The following C12orf43 variants were observed in gnomAD, a reference collection of about 807,000 sequenced individuals.
C12orf43 encodes the protein protein CUSTOS.
C12orf43 carries 15 observed loss-of-function variants against 20.6 expected under a neutral mutation model. That is an observed-to-expected ratio of 0.73 (90% CI 0.49 to 1.12). C12orf43 has a LOEUF of 1.12. Ranked by LOEUF, C12orf43 falls within the 50% of genes most tolerant of loss-of-function variation. C12orf43 has a pLI of 0.00. For synonymous variants in C12orf43, 144 were observed against 130.8 expected (o/e 1.10, Z -0.69); for missense variants, 334 against 344.4 (o/e 0.97, Z 0.24).
At position 121,010,818 on chromosome 12, in the gene C12orf43, C is replaced by T; in HGVS notation, c.287+10G>A. 4.4e-6 allele frequency: 7 copies of T among 1,588,948 alleles called. No individual in the cohort carries two copies. Among genetic ancestry groups the T allele is most frequent in the Non-Finnish European group, 6.0e-6 (7 of 1,166,300 alleles). ...AAGGGCAAGAGAGGAGAAACTCCACCTTTGTTTACCTGTCCAGCAGGGCTC... is the reference window on the plus strand; with the variant it reads ...AAGGGCAAGAGAGGAGAAACTCCACTTTTGTTTACCTGTCCAGCAGGGCTC... On this transcript the variant is annotated intron_variant, in intron 3 of 5. Coordinates refer to ENST00000288757, the MANE Select transcript of C12orf43 (RefSeq NM_022895.3).
In C12orf43 at chr12:121,005,032, G is replaced by A. The variant is rs1459722992; in HGVS notation, c.423C>T (p.Pro141=). 3 of 1,530,216 alleles carry A rather than the reference G, an allele frequency of 2.0e-6. No individual in the cohort carries two copies. In the East Asian group the frequency reaches 7.2e-5, roughly 37 times the overall value. The allele number at this position is 1,530,216 out of a possible 1,614,324, so 94.8% of individuals were successfully genotyped here. A position where few individuals can be genotyped will look rare whatever the true frequency, so the allele number is the denominator to read the frequency against. ...GGREKEESPQ[P]RRKRQPSSSS... ...AGCTGGAGGGCTGTCGCTTTCGGCG[G>A]GGTTGGGGAGACTCTTCCTTCTCAC... The change falls in exon 5 of 6, where the codon CCC becomes CCT. Residue 141 remains proline, a synonymous_variant. Coordinates refer to ENST00000288757, the MANE Select transcript of C12orf43 (RefSeq NM_022895.3). The surrounding 1 kb of genome is among the most constrained non-coding windows in gnomAD (Gnocchi z 5.6).
chr12:121,002,571 G>C lies in C12orf43; in HGVS notation c.*1582C>G. On this transcript the variant is annotated 3_prime_UTR_variant, in exon 6 of 6. Transcript: ENST00000288757. ...TTTGGGCAGGTAGCGGGAGGCTGGG[G>C]CAGGCCAGAGGCCTGCGAAGAGGAG... The C allele has an allele frequency of 2.1e-6, 1 of 472,212 alleles. No individual in the cohort carries two copies. The highest frequency in any genetic ancestry group is 1.6e-5 in the South Asian group (1 of 61,794). The allele number at this position is 472,212 out of a possible 1,614,324, so 29.3% of individuals were successfully genotyped here. A position where few individuals can be genotyped will look rare whatever the true frequency, so the allele number is the denominator to read the frequency against.
chr12:121,010,308 A>G (rs1478786011), intron 3 of C12orf43, among the ~76,000 whole-genome samples: 1 of 152,244 alleles, frequency 6.6e-6, no homozygotes, highest in Non-Finnish European at 1.5e-5. Flanking sequence ...CTCTGTCTCA[A>G]AAAACAAAAC....
Position 121,004,098 on chromosome 12 carries a change from G to GT in C12orf43, c.*54dup, listed in dbSNP as rs759232492. ...GGCTTGGAAATGCCTTGTCCCCAGG[G>GT]TGGGGGGGACACCTTGTCCTTGGAG... On this transcript the variant is annotated 3_prime_UTR_variant, in exon 6 of 6. Coordinates refer to ENST00000288757, the MANE Select transcript of C12orf43 (RefSeq NM_022895.3). This position sits in a 1 kb window ranked among gnomAD's most constrained non-coding sequence, Gnocchi z 5.6. 1.3e-6 allele frequency: 2 copies of GT among 1,563,886 alleles called. No individual in the cohort carries two copies. Among genetic ancestry groups the GT allele is most frequent in the African/African-American group, 2.7e-5 (2 of 74,024 alleles).
rs1005415437 is a variant in C12orf43 at position 121,016,365 on chromosome 12, T to TCCAAGCC, written c.103_109dup (p.Glu37GlyfsTer19). ...CTTCCCTGCCACGTGCGGGCGTTGC[T>TCCAAGCC]CCAAGCCCCAAGCCGGCATTGCCGC... On this transcript the variant is annotated frameshift_variant, in exon 1 of 6. Transcript: ENST00000288757. LOFTEE classifies it high-confidence loss of function. 6.2e-7 allele frequency: 1 copy of TCCAAGCC among 1,613,798 alleles called. No homozygotes were observed. The highest frequency in any genetic ancestry group is 8.5e-7 in the Non-Finnish European group (1 of 1,180,014).
intron 3 of C12orf43, among the ~76,000 whole-genome samples, chr12:121,007,639 A>C (rs1878123043): frequency 6.6e-6 from 1 of 152,204 alleles, no homozygotes; most frequent in Non-Finnish European, 1.5e-5. Context: ...TCTAACATAA[A>C]AATAAACCAC....
Position 121,012,849 on chromosome 12 carries a change from TAAAAA to T in C12orf43, c.146-1708_146-1704del, listed in dbSNP as rs10636003. On this transcript the variant is annotated intron_variant, in intron 1 of 5. Transcript: ENST00000288757. ...CCTGGTGACAGAGCAAGACTCCGTC[TAAAAA>T]AAAAAAAAAAAAAAAAAAAAGATGG... is the stretch of plus-strand genomic sequence containing the variant. Among the ~76,000 whole-genome samples the T allele has an allele frequency of 2.3e-3, 212 of 91,980 alleles. 3 individuals are homozygous for T. The highest frequency in any genetic ancestry group is 0.011 in the African/African-American group (205 of 19,418). The allele number at this position is 91,980 out of a possible 152,430, so 60.3% of individuals were successfully genotyped here. A position where few individuals can be genotyped will look rare whatever the true frequency, so the allele number is the denominator to read the frequency against.
At chr12:121,006,618 T>G (rs1878047550) in intron 3 of C12orf43, 1 of 519,242 alleles carries the variant, frequency 1.9e-6, no homozygotes. Flanking sequence ...TTCCAGTAAG[T>G]GTTGAAGAAG....
At chr12:121,016,070 C>G (rs987549718) in intron 1 of C12orf43, among the ~76,000 whole-genome samples, 3 of 152,146 alleles carry the variant, frequency 2.0e-5, no homozygotes, top group Non-Finnish European at 2.9e-5. Flanking sequence ...CGGCAGCCTT[C>G]CCAGTGTGGG....
intron 1 of C12orf43, among the ~76,000 whole-genome samples, chr12:121,014,746 A>G (rs1868744703): frequency 6.6e-6 from 1 of 151,936 alleles, no homozygotes; most frequent in South Asian, 2.1e-4. Context: ...TTGAAGGTTG[A>G]GAAGGGAGGA....
intron 1 of C12orf43, among the ~76,000 whole-genome samples, chr12:121,016,049 T>A (rs1256866223): frequency 6.6e-6 from 1 of 152,092 alleles, no homozygotes; most frequent in Non-Finnish European, 1.5e-5. Flanking sequence ...GTTGCAGTTA[T>A]CTCGAAGAGA....
At chr12:121,011,064 T>C (rs1428474596) in intron 2 of C12orf43, 40 bp downstream of exon 2, 1 of 1,607,820 alleles carries the variant, frequency 6.2e-7, no homozygotes. Flanking sequence ...GGATCAGTAT[T>C]TGTTGAATAA....
rs2135854241 is a variant in C12orf43 at position 121,001,033 on chromosome 12, T to G, written c.*3120A>C. 1 of 1,611,466 alleles carries G rather than the reference T, an allele frequency of 6.2e-7. No homozygotes were observed. Among genetic ancestry groups the G allele is most frequent in the Non-Finnish European group, 8.5e-7 (1 of 1,179,678 alleles). ...AGGTGGGGTGGGTGTGGGTGCCTGGTGGGTGGCTAGCAGCCTTGTTTGCCT... is the reference window on the plus strand; with the variant it reads ...AGGTGGGGTGGGTGTGGGTGCCTGGGGGGTGGCTAGCAGCCTTGTTTGCCT... On this transcript the variant is annotated 3_prime_UTR_variant, in exon 6 of 6. Coordinates refer to ENST00000288757, the MANE Select transcript of C12orf43 (RefSeq NM_022895.3).
intron 1 of C12orf43, chr12:121,012,507 G>T: frequency 1.4e-6 from 1 of 702,324 alleles, no homozygotes; most frequent in Middle Eastern, 2.3e-4. Context: ...GGAGTCTGCT[G>T]CAGTAATTGA....
Position 121,000,943 on chromosome 12 carries a change from G to A in C12orf43, c.*3210C>T. The A allele has an allele frequency of 2.2e-6, 3 of 1,386,092 alleles. No homozygotes were observed. The highest frequency in any genetic ancestry group is 2.3e-5 in the East Asian group (1 of 43,242). The allele number at this position is 1,386,092 out of a possible 1,614,324, so 85.9% of individuals were successfully genotyped here. ...GTAGAGGTGTGACTTTGGGGTTCCT[G>A]TTATCTGCTGTGATCCAGGAGGTGT... is the stretch of plus-strand genomic sequence containing the variant. On this transcript the variant is annotated 3_prime_UTR_variant, in exon 6 of 6. Coordinates refer to ENST00000288757, the MANE Select transcript of C12orf43 (RefSeq NM_022895.3).
rs1878298055 is a variant in C12orf43, at chr12:121,009,681, A to G, written c.287+1147T>C. Among the ~76,000 whole-genome samples the G allele has an allele frequency of 2.0e-5, 3 of 152,302 alleles. No homozygotes were observed. In the South Asian group the frequency reaches 6.2e-4, roughly 32 times the overall value. ...AGACACTGAATCTGCTGGTGCCTTG[A>G]TCTTGGACTTCTCAGCCTCCAAAAT... On this transcript the variant is annotated intron_variant, in intron 3 of 5. Transcript: ENST00000288757.
chr12:121,007,119 T>A (rs1878083545), intron 3 of C12orf43: 1 of 152,142 alleles, frequency 6.6e-6, no homozygotes, highest in African/African-American at 2.4e-5. Context: ...ATATGACCAA[T>A]CTAGAAAACT....
At chr12:121,011,935 C>T (rs534703884) in intron 1 of C12orf43, among the ~76,000 whole-genome samples, 1 of 152,310 alleles carries the variant, frequency 6.6e-6, no homozygotes, top group South Asian at 2.1e-4. Context: ...GCAACTTACT[C>T]GACTATCACT....
chr12:121,003,913 C>A lies in C12orf43; in HGVS notation c.*240G>T, dbSNP rs1877735114. The stretch of plus-strand genomic sequence containing the variant: ...ATGTTCTGGAACCACAGCGCCCCCG[C>A]CAGCCCTCCGTGGGAGCACAGAGGG... On this transcript the variant is annotated 3_prime_UTR_variant, in exon 6 of 6. Transcript: ENST00000288757. 1.7e-6 allele frequency: 1 copy of A among 586,520 alleles called. No homozygotes were observed. The highest frequency in any genetic ancestry group is 3.0e-5 in the Admixed American group (1 of 33,314). The allele number at this position is 586,520 out of a possible 1,614,324, so 36.3% of individuals were successfully genotyped here.
Sources: allele counts gnomAD v4.1 joint callset (sites outside exome capture counted in the v4.1 genomes callset), GRCh38; gene constraint gnomAD v4.1.1; non-coding constraint Gnocchi (gnomAD v3.1); transcripts MANE v1.5; gene names NCBI Gene and HGNC (gene_info 2026-07-23, HGNC 2026-07-21).